The following PPFIA2 variants were observed in gnomAD, a reference collection of about 807,000 sequenced individuals.
The protein encoded by PPFIA2 is liprin-alpha-2.
PPFIA2 carries 46 observed loss-of-function variants against 175.5 expected under a neutral mutation model. The observed-to-expected ratio is 0.26, with a 90% CI of 0.21 to 0.34. The LOEUF (loss-of-function observed/expected upper bound fraction) is 0.34, where lower values mean the gene tolerates loss of function less well. Ranked by LOEUF, PPFIA2 falls within the 10% of genes least tolerant of loss-of-function variation. The pLI is 1.00. For missense variants in PPFIA2, 1,179 were observed against 1,506.1 expected, an observed-to-expected ratio of 0.78 and a Z score of 3.60; for synonymous variants, 568 against 511.4, an observed-to-expected ratio of 1.11 and a Z score of -1.49.
At chr12:81,650,746 T>C (rs1288642486) in intron 4 of PPFIA2, among the ~76,000 whole-genome samples, 2 of 152,182 alleles carry the variant, frequency 1.3e-5, no homozygotes, top group South Asian at 2.1e-4. Context: ...AAAGAAATAT[T>C]TGGCCTGAAG....
intron 3 of PPFIA2, among the ~76,000 whole-genome samples, chr12:81,753,377 G>A (rs1023758131): frequency 6.6e-5 from 10 of 151,170 alleles, no homozygotes; most frequent in African/African-American, 1.9e-4. Flanking sequence ...AGCTAACAAC[G>A]TTAAGTTAGT....
intron 11 of PPFIA2, among the ~76,000 whole-genome samples, chr12:81,371,647 T>C (rs1224738873): frequency 6.6e-6 from 1 of 151,804 alleles, no homozygotes; most frequent in Non-Finnish European, 1.5e-5. Context: ...TAAATTCCTA[T>C]TATTGCTGAT....
intron 3 of PPFIA2, among the ~76,000 whole-genome samples, chr12:81,690,788 T>C (rs181521443): frequency 2.0e-5 from 3 of 152,258 alleles, no homozygotes; most frequent in African/African-American, 7.2e-5. Flanking sequence ...ATGTTCCTTC[T>C]GCAGACTTCA....
At chr12:81,505,906 T>C (rs1381998550) in intron 4 of PPFIA2, 1 of 152,122 alleles carries the variant, frequency 6.6e-6, no homozygotes, top group Non-Finnish European at 1.5e-5. Context: ...GAAGAGGTAA[T>C]GGGATACTGA....
At chr12:81,606,274 T>C (rs1485334793) in intron 4 of PPFIA2, among the ~76,000 whole-genome samples, 1 of 152,098 alleles carries the variant, frequency 6.6e-6, no homozygotes, top group Non-Finnish European at 1.5e-5. Context: ...AGAATGACAC[T>C]GAACATATGA....
intron 5 of PPFIA2, among the ~76,000 whole-genome samples, chr12:81,448,050 G>A (rs773835696): frequency 9.9e-5 from 15 of 151,670 alleles, no homozygotes; most frequent in Middle Eastern, 3.4e-3. Flanking sequence ...TAATATAGTC[G>A]TTCAATAAAC....
chr12:81,373,820 T>C (rs1456839180), intron 11 of PPFIA2, among the ~76,000 whole-genome samples: 2 of 152,060 alleles, frequency 1.3e-5, no homozygotes, highest in African/African-American at 2.4e-5. Flanking sequence ...CATACTCACT[T>C]ATTGTAGTGG....
At chr12:81,367,995 C>T (rs570706630) in intron 13 of PPFIA2, 2 of 707,974 alleles carry the variant, frequency 2.8e-6, no homozygotes, top group South Asian at 3.2e-5. Flanking sequence ...AACATTTTCC[C>T]TATTTTGGTT....
intron 8 of PPFIA2, among the ~76,000 whole-genome samples, chr12:81,398,852 C>T (rs921796562): frequency 8.6e-5 from 13 of 151,818 alleles, no homozygotes; most frequent in Admixed American, 8.6e-4. Flanking sequence ...TCTTGACGCT[C>T]GACAATACTA....
intron 9 of PPFIA2, among the ~76,000 whole-genome samples, chr12:81,382,923 G>A (rs1308465718): frequency 1.3e-5 from 2 of 152,046 alleles, no homozygotes; most frequent in Non-Finnish European, 2.9e-5. Context: ...TCCAAGGTCG[G>A]GGAGGAGAAA....
chr12:81,263,431 A>G (rs769840829), intron 30 of PPFIA2, 41 bp from the exon 31 acceptor site: 8 of 1,554,192 alleles, frequency 5.1e-6, no homozygotes, highest in Non-Finnish European at 7.1e-6. Flanking sequence ...AAAACAAGTA[A>G]ACTAGTCCAT....
rs781430104 is a variant in PPFIA2 at position 81,374,781 on chromosome 12, T to C, written c.1132-13A>G. 6.2e-7 allele frequency: 1 copy of C among 1,609,622 alleles called. No homozygotes were observed. Among genetic ancestry groups the C allele is most frequent in the Non-Finnish European group, 8.5e-7 (1 of 1,177,394 alleles). ...TTTTCTCTTCCATCTGAAATGGGAA[T>C]GGGAGCAGAGACACTTAAAGAGTCA... On this transcript the variant is annotated splice_polypyrimidine_tract_variant and intron_variant, in intron 10 of 32. Coordinates refer to ENST00000549396, the MANE Select transcript of PPFIA2 (RefSeq NM_003625.5).
chr12:81,481,886 T>G (rs906945178), intron 4 of PPFIA2, among the ~76,000 whole-genome samples: 1 of 151,924 alleles, frequency 6.6e-6, no homozygotes, highest in Admixed American at 6.6e-5. Context: ...CCAAAATTGA[T>G]AAATGGGAGC....
intron 22 of PPFIA2, among the ~76,000 whole-genome samples, chr12:81,311,309 G>A (rs1594577051): frequency 6.6e-6 from 1 of 152,138 alleles, no homozygotes. Context: ...CAAAACCAAG[G>A]ATTATTCTTG....
At chr12:81,579,212 C>A (rs2074044528) in intron 4 of PPFIA2, among the ~76,000 whole-genome samples, 1 of 151,568 alleles carries the variant, frequency 6.6e-6, no homozygotes, top group South Asian at 2.1e-4. Context: ...TGAGATGTAG[C>A]TAAAGGTAAA....
intron 4 of PPFIA2, among the ~76,000 whole-genome samples, chr12:81,577,016 G>A (rs1249865025): frequency 6.6e-6 from 1 of 151,754 alleles, no homozygotes; most frequent in Non-Finnish European, 1.5e-5. Flanking sequence ...GAGCTGTAGA[G>A]ATAAGAAAAT....
chr12:81,545,267 T>C (rs184404642), intron 4 of PPFIA2: 1 of 152,302 alleles, frequency 6.6e-6, no homozygotes, highest in East Asian at 1.9e-4. Context: ...TCTTTAAATA[T>C]AAAGTGAAGA....
intron 3 of PPFIA2, among the ~76,000 whole-genome samples, chr12:81,729,250 C>T (rs2080514260): frequency 6.6e-6 from 1 of 151,402 alleles, no homozygotes; most frequent in African/African-American, 2.4e-5. Flanking sequence ...TAAATGGACT[C>T]ATTTAAATAA....
chr12:81,557,812 A>T (rs1160177561), intron 4 of PPFIA2, among the ~76,000 whole-genome samples: 1 of 152,082 alleles, frequency 6.6e-6, no homozygotes, highest in Admixed American at 6.6e-5. Flanking sequence ...CTAAATGTGT[A>T]ATTTACTTAA....
Sources: gnomAD v4.1 joint callset for allele counts (sites outside exome capture counted in the v4.1 genomes callset) on GRCh38, gnomAD v4.1.1 for gene constraint, MANE v1.5 for transcripts, NCBI Gene and HGNC (gene_info 2026-07-23, HGNC 2026-07-21) for gene names.